Variants in USP53 observed in about 807,000 individuals in gnomAD.
USP53 encodes ubiquitin specific peptidase 53.
A neutral mutation model predicts 94.9 loss-of-function variants in USP53; 71 were observed. That is an observed-to-expected ratio of 0.75 (90% CI 0.62 to 0.91). The LOEUF is 0.91. USP53 is among the 40% of genes least tolerant of loss of function. The pLI is 0.00. For missense variants in USP53, 1,173 were observed against 1,281.0 expected (o/e 0.92, Z 1.29); for synonymous variants, 375 against 422.7 (o/e 0.89, Z 1.39).
At chr4:119,216,360 G>A (rs1254061306) in intron 2 of USP53, among the ~76,000 whole-genome samples, 3 of 146,942 alleles carry the variant, frequency 2.0e-5, no homozygotes, top group South Asian at 2.2e-4. Context: ...CATCCTGGGC[G>A]ACCGAGTGAG....
At chr4:119,275,597 A>G (rs1299500885) in intron 17 of USP53, among the ~76,000 whole-genome samples, 3 of 151,302 alleles carry the variant, frequency 2.0e-5, no homozygotes, top group Non-Finnish European at 2.9e-5. Context: ...TTTTGGTTCC[A>G]TATGAACTTT....
In USP53 at chr4:119,268,280, C is replaced by G. The variant is rs1472268885; in HGVS notation, c.1148C>G (p.Pro383Arg). The G allele has an allele frequency of 1.2e-6, 2 of 1,611,266 alleles. No homozygotes were observed. Among genetic ancestry groups the G allele is most frequent in the African/African-American group, 1.3e-5 (1 of 74,596 alleles). ...TTCTCTTTTTAAGGATGTGAAAAGC[C>G]TGTAATTCATAAGTCAGATAATTTA... is the stretch of plus-strand genomic sequence containing the variant. ...SVAENMGCEKPVIHKSDNLKE... is the reference protein window; with the variant it reads ...SVAENMGCEKRVIHKSDNLKE... Residue 383 changes from proline (P) to arginine (R), a missense_variant, in exon 14 of 19, where the codon CCT becomes CGT. Physicochemically the swap from Pro to Arg is moderately radical, Grantham distance 103. Coordinates refer to ENST00000692078, the MANE Select transcript of USP53 (RefSeq NM_001371395.1).
rs778029754 is a variant in USP53, at chr4:119,256,438, T to C, written c.487-3T>C. 2.5e-6 allele frequency: 4 copies of C among 1,614,014 alleles called. No individual in the cohort carries two copies. Among genetic ancestry groups the C allele is most frequent in the African/African-American group, 2.7e-5 (2 of 75,054 alleles). On this transcript the variant is annotated splice_region_variant and splice_polypyrimidine_tract_variant and intron_variant, in intron 8 of 18. Transcript: ENST00000692078. ...GATTAAACATATGTTTTTACCTATATAGTGTGTGTGTCGTAGCTGTGGAGC... is the reference window on the plus strand; with the variant it reads ...GATTAAACATATGTTTTTACCTATACAGTGTGTGTGTCGTAGCTGTGGAGC...
intron 3 of USP53, among the ~76,000 whole-genome samples, chr4:119,225,330 C>A (rs1745094383): frequency 6.6e-6 from 1 of 152,104 alleles, no homozygotes; most frequent in African/African-American, 2.4e-5. Flanking sequence ...ATTCTAGGCC[C>A]AGATAGTGCT....
chr4:119,241,462 C>T (rs1476531319), intron 5 of USP53, among the ~76,000 whole-genome samples: 1 of 151,926 alleles, frequency 6.6e-6, no homozygotes, highest in Non-Finnish European at 1.5e-5. Context: ...TGTATTTCAC[C>T]TTTATTTTTG....
intron 11 of USP53, among the ~76,000 whole-genome samples, chr4:119,260,859 A>AT (rs1024146585): frequency 1.3e-5 from 2 of 150,886 alleles, no homozygotes; most frequent in African/African-American, 2.4e-5. Flanking sequence ...ATGATTGATG[A>AT]TTTTTTATGT....
chr4:119,215,638 T>TA (rs928186096), intron 2 of USP53, among the ~76,000 whole-genome samples: 13 of 152,146 alleles, frequency 8.5e-5, no homozygotes, highest in African/African-American at 2.4e-4. Flanking sequence ...TTCTTTTTTT[T>TA]ATGCTATGAA....
intron 14 of USP53, among the ~76,000 whole-genome samples, chr4:119,269,075 G>A (rs766188832): frequency 6.6e-6 from 1 of 152,102 alleles, no homozygotes; most frequent in Non-Finnish European, 1.5e-5. Flanking sequence ...AGAATTAACA[G>A]TTATCCACAA....
At chr4:119,268,136 C>T (rs1230229884) in intron 13 of USP53, 132 bp from the exon 14 acceptor site, 3 of 865,260 alleles carry the variant, frequency 3.5e-6, no homozygotes, top group South Asian at 2.0e-5. Flanking sequence ...CACTGCAGTC[C>T]GCAGTCCGGC....
chr4:119,288,718 C>T (rs1256050485), intron 17 of USP53, among the ~76,000 whole-genome samples: 2 of 152,036 alleles, frequency 1.3e-5, no homozygotes, highest in Non-Finnish European at 2.9e-5. Context: ...TGGCGGATCA[C>T]CTGAGGTTTG....
chr4:119,250,212 T>C (rs1748779882), intron 7 of USP53, among the ~76,000 whole-genome samples: 1 of 152,192 alleles, frequency 6.6e-6, no homozygotes, highest in Non-Finnish European at 1.5e-5. Flanking sequence ...GCTGTTCTAC[T>C]AGCAGCCTTT....
Position 119,271,381 on chromosome 4 carries a change from A to C in USP53, c.1521A>C (p.Leu507=), listed in dbSNP as rs760784417. ...TTAAACAACATGGGAATCCACATCTATATCATAGTCAAGGAAAAGGATCAT... is the reference window on the plus strand; with the variant it reads ...TTAAACAACATGGGAATCCACATCTCTATCATAGTCAAGGAAAAGGATCAT... ...NGFKQHGNPH[L]YHSQGKGSYK... The change falls in exon 16 of 19, where the codon CTA becomes CTC. Residue 507 remains leucine (L), a synonymous_variant. Transcript: ENST00000692078. 20 of 1,613,440 alleles carry C rather than the reference A, an allele frequency of 1.2e-5. No individual in the cohort carries two copies. The South Asian group carries it at 2.2e-4, about 18-fold the overall frequency.
intron 4 of USP53, among the ~76,000 whole-genome samples, chr4:119,238,441 T>C (rs759872078): frequency 1.8e-4 from 27 of 152,144 alleles, no homozygotes; most frequent in Non-Finnish European, 3.8e-4. Context: ...CTATCGTATA[T>C]GGGAGTGGTT....
chr4:119,289,495 C>T (rs984397662), intron 17 of USP53, among the ~76,000 whole-genome samples: 2 of 152,126 alleles, frequency 1.3e-5, no homozygotes, highest in African/African-American at 2.4e-5. Flanking sequence ...GGCCACACTT[C>T]GAGAATTGCT....
Position 119,295,234 on chromosome 4 carries a change from TAC to T in USP53, c.*2027_*2028del, listed in dbSNP as rs1348226994. On this transcript the variant is annotated 3_prime_UTR_variant, in exon 19 of 19. Transcript: ENST00000692078. ...TGAAACCTCCTGACTCATGTACTAC[TAC>T]ACAAACTAGAAAATGCCCATTTATT... is the stretch of plus-strand genomic sequence containing the variant. 1 of 148,722 alleles carries T rather than the reference TAC, an allele frequency of 6.7e-6. No individual in the cohort carries two copies. The highest frequency in any genetic ancestry group is 1.5e-5 in the Non-Finnish European group (1 of 66,780). The allele number at this position is 148,722 out of a possible 1,614,324, so 9.2% of individuals were successfully genotyped here.
intron 17 of USP53, among the ~76,000 whole-genome samples, chr4:119,274,328 A>G (rs910121862): frequency 9.1e-5 from 13 of 143,152 alleles, no homozygotes; most frequent in Non-Finnish European, 1.3e-4. Context: ...ATTCCCACCT[A>G]TGAGTGAGAA....
intron 3 of USP53, among the ~76,000 whole-genome samples, chr4:119,227,361 G>C (rs1056325090): frequency 1.3e-5 from 2 of 150,162 alleles, no homozygotes; most frequent in South Asian, 4.2e-4. Flanking sequence ...CTACAGGGCC[G>C]GGCGCTGTGG....
At chr4:119,259,678 T>C in intron 9 of USP53, 142 bp from the exon 10 acceptor site, 1 of 561,244 alleles carries the variant, frequency 1.8e-6, no homozygotes, top group East Asian at 3.1e-5. Context: ...TATGGAAATG[T>C]ACTTTATGGT....
In USP53 at chr4:119,239,371, A is replaced by G. The variant is rs1747223016; in HGVS notation, c.-389A>G. The stretch of plus-strand genomic sequence containing the variant: ...TGCCAACTCTACATCTTTTTGTATT[A>G]TTAACATATTTTATGCATCAAGACA... On this transcript the variant is annotated 5_prime_UTR_variant, in exon 5 of 19. Transcript: ENST00000692078. 1 of 183,700 alleles carries G rather than the reference A, an allele frequency of 5.4e-6. No homozygotes were observed. Among genetic ancestry groups the G allele is most frequent in the African/African-American group, 2.3e-5 (1 of 42,880 alleles). The allele number at this position is 183,700 out of a possible 1,614,324, so 11.4% of individuals were successfully genotyped here.
Sources: gnomAD v4.1 joint callset for allele counts (sites outside exome capture counted in the v4.1 genomes callset) on GRCh38, gnomAD v4.1.1 for gene constraint, MANE v1.5 for transcripts, NCBI Gene and HGNC (gene_info 2026-07-23, HGNC 2026-07-21) for gene names.